Variants in ASPH observed in about 807,000 individuals in gnomAD.
ASPH encodes aspartate beta-hydroxylase, also known as aspartyl/asparaginyl beta-hydroxylase.
ASPH carries 100 observed loss-of-function variants against 118.4 expected under a neutral mutation model. The ratio of observed to expected loss-of-function variants is 0.84; its 90% CI spans 0.72 to 1.00. The LOEUF is 1.00. Among genes scored for constraint, ASPH ranks in the 50% least tolerant of loss-of-function variants. ASPH has a pLI of 0.00. For missense variants in ASPH, 920 were observed against 919.5 expected (o/e 1.00, Z -0.01); for synonymous variants, 315 against 325.6 (o/e 0.97, Z 0.35).
intron 16 of ASPH, among the ~76,000 whole-genome samples, chr8:61,575,121 C>A (rs1033584064): frequency 3.3e-5 from 5 of 152,158 alleles, no homozygotes; most frequent in African/African-American, 1.2e-4. Context: ...CCTTTCCTGC[C>A]CAACTTGTCC....
intron 14 of ASPH, among the ~76,000 whole-genome samples, chr8:61,608,974 AC>A (rs1316530520): frequency 6.6e-6 from 1 of 152,176 alleles, no homozygotes; most frequent in Non-Finnish European, 1.5e-5. Flanking sequence ...CCTAAGGAGA[AC>A]CTAGTTTTGT....
intron 15 of ASPH, chr8:61,579,483 G>T: frequency 1.2e-6 from 2 of 1,600,592 alleles, no homozygotes; most frequent in Non-Finnish European, 1.7e-6. Context: ...CTATGCAGGT[G>T]GTCTGAGCTC....
intron 16 of ASPH, among the ~76,000 whole-genome samples, chr8:61,575,870 G>C (rs533664913): frequency 1.1e-4 from 17 of 152,178 alleles, no homozygotes; most frequent in Admixed American, 2.6e-4. Context: ...CACCCCTATA[G>C]GCAAAAGGTA....
intron 10 of ASPH, among the ~76,000 whole-genome samples, chr8:61,642,213 A>G (rs575859283): frequency 6.6e-5 from 10 of 152,310 alleles, no homozygotes; most frequent in African/African-American, 2.4e-4. Context: ...CAAGGTGACA[A>G]ATCAGTCATC....
chr8:61,586,992 G>A (rs571963537), intron 14 of ASPH, among the ~76,000 whole-genome samples: 3 of 152,276 alleles, frequency 2.0e-5, no homozygotes, highest in East Asian at 3.9e-4. Flanking sequence ...GGAGCAGTGG[G>A]TATGTCCAAT....
At chr8:61,553,227 A>G in intron 19 of ASPH, 107 bp from the exon 20 acceptor site, 1 of 801,902 alleles carries the variant, frequency 1.2e-6, no homozygotes, top group Non-Finnish European at 2.0e-6. Context: ...CCTAAAAACC[A>G]GAAAAATATA....
intron 22 of ASPH, 105 bp downstream of exon 22, chr8:61,525,872 G>A: frequency 2.7e-6 from 4 of 1,487,090 alleles, no homozygotes; most frequent in Non-Finnish European, 3.6e-6. Flanking sequence ...CCTCGTTTAA[G>A]CCTGGGAATC....
intron 24 of ASPH, among the ~76,000 whole-genome samples, chr8:61,514,444 T>C (rs1460585667): frequency 2.0e-5 from 3 of 152,076 alleles, no homozygotes; most frequent in Non-Finnish European, 4.4e-5. Flanking sequence ...CTGAGCGTGG[T>C]GGCTCATGCC....
chr8:61,606,567 A>G (rs1845629122), intron 14 of ASPH: 1 of 152,220 alleles, frequency 6.6e-6, no homozygotes, highest in Non-Finnish European at 1.5e-5. Context: ...TTTCAGATAA[A>G]TAATATATAC....
chr8:61,675,960 G>C, intron 3 of ASPH: 1 of 1,517,622 alleles, frequency 6.6e-7, no homozygotes, highest in Non-Finnish European at 8.7e-7. Context: ...GACTTGCACG[G>C]TAAGATCACA....
intron 1 of ASPH, among the ~76,000 whole-genome samples, chr8:61,685,053 G>A (rs1044592376): frequency 1.3e-5 from 2 of 152,074 alleles, no homozygotes; most frequent in Non-Finnish European, 2.9e-5. Flanking sequence ...AGGCCAGGGC[G>A]GTGTCTCCCA....
chr8:61,554,865 C>T (rs1827294110), intron 19 of ASPH, among the ~76,000 whole-genome samples: 1 of 152,172 alleles, frequency 6.6e-6, no homozygotes, highest in South Asian at 2.1e-4. Context: ...GCATGTGCCA[C>T]CACATCTGGT....
intron 14 of ASPH, among the ~76,000 whole-genome samples, chr8:61,596,912 G>A (rs998108827): frequency 2.0e-5 from 3 of 152,012 alleles, no homozygotes; most frequent in African/African-American, 7.2e-5. Context: ...AGGAAATTAT[G>A]AAATATCAGA....
chr8:61,548,513 G>A (rs1016843202), intron 20 of ASPH, among the ~76,000 whole-genome samples: 1 of 152,036 alleles, frequency 6.6e-6, no homozygotes, highest in Non-Finnish European at 1.5e-5. Context: ...AGGGAGTCGA[G>A]CACTTATTTT....
intron 14 of ASPH, among the ~76,000 whole-genome samples, chr8:61,590,863 T>C (rs1408741897): frequency 3.3e-5 from 5 of 152,202 alleles, no homozygotes; most frequent in Non-Finnish European, 7.3e-5. Flanking sequence ...ATTTTAACTT[T>C]TGAGACCTCG....
At chr8:61,663,920 T>A (rs1267892128) in intron 3 of ASPH, 2 of 902,904 alleles carry the variant, frequency 2.2e-6, no homozygotes, top group African/African-American at 1.8e-5. Flanking sequence ...TACTCATTTC[T>A]GAGTTGAAAT....
intron 1 of ASPH, among the ~76,000 whole-genome samples, chr8:61,697,437 A>T (rs1171536441): frequency 6.6e-6 from 1 of 152,144 alleles, no homozygotes; most frequent in Non-Finnish European, 1.5e-5. Context: ...CCTCTAATTC[A>T]ATTCAGTTCT....
intron 1 of ASPH, among the ~76,000 whole-genome samples, chr8:61,711,623 C>T (rs1838078851): frequency 6.6e-6 from 1 of 150,594 alleles, no homozygotes; most frequent in African/African-American, 2.4e-5. Flanking sequence ...CACTTTTCAG[C>T]AAAAAAACCA....
intron 3 of ASPH, among the ~76,000 whole-genome samples, chr8:61,677,580 A>T (rs1826001212): frequency 6.6e-6 from 1 of 152,210 alleles, no homozygotes; most frequent in Admixed American, 6.5e-5. Flanking sequence ...ACTCAAAAGA[A>T]CTATATTATG....
Sources: allele counts gnomAD v4.1 joint callset (sites outside exome capture counted in the v4.1 genomes callset), GRCh38; gene constraint gnomAD v4.1.1; transcripts MANE v1.5; gene names NCBI Gene and HGNC (gene_info 2026-07-23, HGNC 2026-07-21).